Variants in DAB2IP observed in about 807,000 individuals in gnomAD.
DAB2IP encodes the protein DAB2 interacting protein, also known as disabled homolog 2-interacting protein.
In DAB2IP, 28 loss-of-function variants were observed where a neutral mutation model predicts 107.2. That is an observed-to-expected ratio of 0.26 (90% CI 0.19 to 0.36). DAB2IP has a LOEUF of 0.36. Ranked by LOEUF, DAB2IP falls within the 10% of genes least tolerant of loss-of-function variation. The pLI, the probability that DAB2IP is intolerant of heterozygous loss-of-function variation, is 1.00. For missense variants in DAB2IP, 1,400 were observed against 1,644.7 expected, an observed-to-expected ratio of 0.85 and a Z score of 2.57; for synonymous variants, 755 against 706.4, an observed-to-expected ratio of 1.07 and a Z score of -1.09.
At chr9:121,597,147 A>G (rs1387549089) in intron 1 of DAB2IP, among the ~76,000 whole-genome samples, 1 of 152,242 alleles carries the variant, frequency 6.6e-6, no homozygotes, top group Non-Finnish European at 1.5e-5. Flanking sequence ...TTTGATAAAC[A>G]GAAGTTTTGA....
In DAB2IP at chr9:121,641,990, TTCCTTTCTCTCTCTCTCTCTCTCTCTCTC is replaced by T. The variant is rs1564128551; in HGVS notation, c.41-36685_41-36657del. On this transcript the variant is annotated intron_variant, in intron 1 of 16. Transcript: ENST00000259371. ...TCTCTCTCTTTCTTTCTTTCTTTCT[TTCCTTTCTCTCTCTCTCTCTCTCTCTCTC>T]TCTCTCTCTCTCTTTCTTTCTTTCT... 9.2e-4 allele frequency among the ~76,000 whole-genome samples: 105 copies of T among 114,356 alleles called. 1 individual carries two copies. The highest frequency in any genetic ancestry group is 3.8e-3 in the African/African-American group (101 of 26,366). The allele number at this position is 114,356 out of a possible 152,430, so 75.0% of individuals were successfully genotyped here.
chr9:121,713,532 T>C (rs1830439184), intron 3 of DAB2IP, among the ~76,000 whole-genome samples: 1 of 152,152 alleles, frequency 6.6e-6, no homozygotes, highest in South Asian at 2.1e-4. Context: ...AGGGTGGGAA[T>C]GTTTGAGGTG....
chr9:121,657,503 C>T (rs1205606614), intron 1 of DAB2IP, among the ~76,000 whole-genome samples: 26 of 152,198 alleles, frequency 1.7e-4, no homozygotes, highest in Non-Finnish European at 2.5e-4. Flanking sequence ...TCCAATCCTC[C>T]TAGCAGGTAG....
At chr9:121,743,062 G>T (rs1462797804) in intron 3 of DAB2IP, 9 of 931,060 alleles carry the variant, frequency 9.7e-6, no homozygotes, top group Non-Finnish European at 1.3e-6. Flanking sequence ...GAATACTCTG[G>T]CTGGGATGGA....
chr9:121,680,604 G>A (rs1828534387), intron 2 of DAB2IP, among the ~76,000 whole-genome samples: 1 of 152,144 alleles, frequency 6.6e-6, no homozygotes, highest in Non-Finnish European at 1.5e-5. Flanking sequence ...GCCACAGCAG[G>A]CAGGGTGGGC....
In DAB2IP at chr9:121,635,077, C is replaced by T. The variant is rs1434740980; in HGVS notation, c.41-43601C>T. Reference sequence around the variant, plus strand: ...GTGCATGTGCGTGTATGTCTATGTGCGAAGGGGAAGCTTGGCAGAGGGTGG... The same window carrying T: ...GTGCATGTGCGTGTATGTCTATGTGTGAAGGGGAAGCTTGGCAGAGGGTGG... On this transcript the variant is annotated intron_variant, in intron 1 of 16. Transcript: ENST00000259371. The surrounding 1 kb of genome is among the most constrained non-coding windows in gnomAD (Gnocchi z 4.3). Among the ~76,000 whole-genome samples, 6 of 152,042 alleles carry T rather than the reference C, an allele frequency of 3.9e-5. No homozygotes were observed. Among genetic ancestry groups the T allele is most frequent in the Non-Finnish European group, 5.9e-5 (4 of 68,016 alleles).
At chr9:121,572,721 A>C (rs1052262806) in intron 1 of DAB2IP, among the ~76,000 whole-genome samples, 4 of 151,988 alleles carry the variant, frequency 2.6e-5, no homozygotes, top group Non-Finnish European at 5.9e-5. Flanking sequence ...GCTCTGGAGG[A>C]GTAAGGAGGC....
intron 1 of DAB2IP, among the ~76,000 whole-genome samples, chr9:121,624,607 A>G (rs1423346142): frequency 6.6e-6 from 1 of 152,180 alleles, no homozygotes; most frequent in Non-Finnish European, 1.5e-5. Context: ...TTGTATTGCA[A>G]TTGCCTACAG....
chr9:121,594,629 T>C (rs958090556), intron 1 of DAB2IP, among the ~76,000 whole-genome samples: 1 of 152,224 alleles, frequency 6.6e-6, no homozygotes, highest in African/African-American at 2.4e-5. Context: ...CAGTTTGGAA[T>C]GATCCCTTTT....
chr9:121,745,358 C>CT (rs1832652421), intron 3 of DAB2IP, among the ~76,000 whole-genome samples: 3 of 152,266 alleles, frequency 2.0e-5, no homozygotes, highest in African/African-American at 7.2e-5. Context: ...GACATGGTGT[C>CT]TGAGTTTCTG....
At chr9:121,674,766 A>G (rs1315845640) in intron 1 of DAB2IP, among the ~76,000 whole-genome samples, 1 of 151,880 alleles carries the variant, frequency 6.6e-6, no homozygotes, top group Non-Finnish European at 1.5e-5. Flanking sequence ...GTCTCAGTGG[A>G]AAGACATCCT....
intron 13 of DAB2IP, among the ~76,000 whole-genome samples, chr9:121,775,229 G>T (rs2119021391): frequency 6.6e-6 from 1 of 152,286 alleles, no homozygotes; most frequent in Middle Eastern, 3.4e-3. Context: ...GCCCCGCTGG[G>T]CCCCAGGAAA....
chr9:121,739,020 C>T (rs963830960), intron 3 of DAB2IP, among the ~76,000 whole-genome samples: 1 of 152,256 alleles, frequency 6.6e-6, no homozygotes, highest in South Asian at 2.1e-4. Context: ...TGTTCAGCAC[C>T]TGTGTTCCCA....
chr9:121,718,917 A>G (rs1337287618), intron 3 of DAB2IP, among the ~76,000 whole-genome samples: 2 of 152,166 alleles, frequency 1.3e-5, no homozygotes, highest in South Asian at 2.1e-4. Context: ...GCGGACTTCA[A>G]GGCCTTCACT....
At chr9:121,584,465 C>A (rs1043262026) in intron 1 of DAB2IP, among the ~76,000 whole-genome samples, 12 of 151,384 alleles carry the variant, frequency 7.9e-5, no homozygotes, top group Admixed American at 7.9e-4. Context: ...GTTTAAAGAA[C>A]ACTGGTCTAA....
chr9:121,735,857 C>T (rs1831860199), intron 3 of DAB2IP, among the ~76,000 whole-genome samples: 1 of 152,176 alleles, frequency 6.6e-6, no homozygotes, highest in Admixed American at 6.5e-5. Flanking sequence ...GTTTAAATGA[C>T]CCAAGGATGA....
intron 1 of DAB2IP, among the ~76,000 whole-genome samples, chr9:121,654,905 CAG>C (rs990718860): frequency 1.3e-5 from 2 of 152,218 alleles, no homozygotes; most frequent in Non-Finnish European, 1.5e-5. Context: ...TGTTCAGAAA[CAG>C]AAAAATGCAA....
At chr9:121,678,968 G>A (rs1828428753) in intron 2 of DAB2IP, 187 bp downstream of exon 2, 1 of 499,838 alleles carries the variant, frequency 2.0e-6, no homozygotes, top group Non-Finnish European at 3.3e-6. Flanking sequence ...CCTGGTCCCG[G>A]GGGCCACATG....
exon 10 of DAB2IP, chr9:121,768,570 C>G (rs1224576988): frequency 6.2e-7 from 1 of 1,614,200 alleles, no homozygotes; most frequent in South Asian, 1.1e-5. Flanking sequence ...GCTACATCGA[C>G]CTGGGCCGCG....
Sources: gnomAD v4.1 joint callset for allele counts (sites outside exome capture counted in the v4.1 genomes callset) on GRCh38, gnomAD v4.1.1 for gene constraint, Gnocchi (gnomAD v3.1) non-coding constraint, MANE v1.5 for transcripts, NCBI Gene and HGNC (gene_info 2026-07-23, HGNC 2026-07-21) for gene names.